The following ELK3 variants were observed in gnomAD, a reference collection of about 807,000 sequenced individuals.
ELK3 encodes the protein ETS domain-containing protein Elk-3.
A neutral mutation model predicts 28.9 loss-of-function variants in ELK3; 10 were observed. The ratio of observed to expected loss-of-function variants is 0.35; its 90% confidence interval spans 0.21 to 0.59. ELK3 has a LOEUF of 0.59. Among genes scored for constraint, ELK3 ranks in the 20% least tolerant of loss-of-function variants. The pLI is 0.82. For missense variants in ELK3, 463 were observed against 517.3 expected (o/e 0.90, Z 1.02); for synonymous variants, 272 against 243.5 (o/e 1.12, Z -1.09).
At chr12:96,197,455 A>T (rs1951479224) in intron 1 of ELK3, among the ~76,000 whole-genome samples, 1 of 152,244 alleles carries the variant, frequency 6.6e-6, no homozygotes, top group African/African-American at 2.4e-5. Flanking sequence ...TTTAACACGC[A>T]TTCAGTCAAC....
Position 96,206,609 on chromosome 12 carries a change from A to G in ELK3, c.-3+11904A>G, listed in dbSNP as rs563759126. Among the ~76,000 whole-genome samples, 11 of 152,174 alleles carry G rather than the reference A, an allele frequency of 7.2e-5. No individual in the cohort carries two copies. The East Asian group carries it at 1.9e-3, about 27-fold the overall frequency. Reference sequence around the variant, plus strand: ...GAGCCACGATTTTCTTTCACAAGGGAAAAAAAAGATCCTCTAAAGCAGGAT... The same window carrying G: ...GAGCCACGATTTTCTTTCACAAGGGGAAAAAAAGATCCTCTAAAGCAGGAT... On this transcript the variant is annotated intron_variant, in intron 1 of 4. Coordinates refer to ENST00000228741, the MANE Select transcript of ELK3 (RefSeq NM_005230.4).
intron 2 of ELK3, among the ~76,000 whole-genome samples, chr12:96,228,878 G>C (rs558799369): frequency 6.6e-6 from 1 of 152,206 alleles, no homozygotes; most frequent in Non-Finnish European, 1.5e-5. Context: ...TTCCTTGTCG[G>C]ACTGTGTGAG....
At chr12:96,227,607 G>T (rs10860008) in intron 2 of ELK3, among the ~76,000 whole-genome samples, 867 of 7,628 alleles carry the variant, frequency 0.11, 1 homozygote, top group Middle Eastern at 0.33. Flanking sequence ...GTGCCCATGC[G>T]GTCAGAAAGG....
At chr12:96,251,955 G>A (rs1161010428) in intron 3 of ELK3, among the ~76,000 whole-genome samples, 1 of 152,254 alleles carries the variant, frequency 6.6e-6, no homozygotes, top group Non-Finnish European at 1.5e-5. Flanking sequence ...CAGCTTCACT[G>A]TAGGTGAAAC....
At chr12:96,250,260 G>A (rs1951893118) in intron 3 of ELK3, among the ~76,000 whole-genome samples, 1 of 152,210 alleles carries the variant, frequency 6.6e-6, no homozygotes, top group South Asian at 2.1e-4. Context: ...CTCCTGGCAT[G>A]GCCATGGGTG....
intron 3 of ELK3, among the ~76,000 whole-genome samples, chr12:96,248,729 T>A (rs930417397): frequency 1.3e-5 from 2 of 152,150 alleles, no homozygotes; most frequent in African/African-American, 4.8e-5. Context: ...CTGTTGTCAT[T>A]AGCAGCAGCC....
intron 1 of ELK3, among the ~76,000 whole-genome samples, chr12:96,216,779 A>G (rs1032007683): frequency 2.0e-5 from 3 of 152,212 alleles, no homozygotes; most frequent in Admixed American, 6.5e-5. Flanking sequence ...TACTTTTATC[A>G]TATCAGTCCC....
At chr12:96,196,301 C>T (rs1341649513) in intron 1 of ELK3, among the ~76,000 whole-genome samples, 1 of 151,988 alleles carries the variant, frequency 6.6e-6, no homozygotes, top group Non-Finnish European at 1.5e-5. Context: ...GTCACTTTGG[C>T]CATTTTGGAT....
chr12:96,238,903 G>A (rs1951801247), intron 2 of ELK3, among the ~76,000 whole-genome samples: 1 of 152,162 alleles, frequency 6.6e-6, no homozygotes, highest in Non-Finnish European at 1.5e-5. Flanking sequence ...GGCCCTGTCG[G>A]ATTTACTTTA....
At chr12:96,243,957 G>C (rs1009090830) in intron 2 of ELK3, among the ~76,000 whole-genome samples, 8 of 139,816 alleles carry the variant, frequency 5.7e-5, no homozygotes, top group Non-Finnish European at 1.2e-4. Context: ...AGTGAGCCGA[G>C]ATCACGCCAC....
chr12:96,204,524 C>T (rs766132849), intron 1 of ELK3, among the ~76,000 whole-genome samples: 39 of 152,204 alleles, frequency 2.6e-4, no homozygotes, highest in Admixed American at 4.6e-4. Flanking sequence ...CTTGACTAAG[C>T]GGAATGTATG....
chr12:96,248,022 C>T (rs1951872759), intron 3 of ELK3, among the ~76,000 whole-genome samples: 1 of 152,158 alleles, frequency 6.6e-6, no homozygotes, highest in Non-Finnish European at 1.5e-5. Flanking sequence ...CAAAGCAGAT[C>T]TCACCAGCGA....
Position 96,267,114 on chromosome 12 carries a change from G to C in ELK3, c.1158G>C (p.Val386=), listed in dbSNP as rs752368172. Residue 386 remains valine, a synonymous_variant, in exon 5 of 5, where the codon GTG becomes GTC. Coordinates refer to ENST00000228741, the MANE Select transcript of ELK3 (RefSeq NM_005230.4). The stretch of plus-strand genomic sequence containing the variant: ...CACTGCTTAATGGCCACATGCCAGT[G>C]CCAATCCCCAGTCTGGACAGAGCTG... ...FPTLLNGHMP[V]PIPSLDRAAS... 1.2e-6 allele frequency: 2 copies of C among 1,613,576 alleles called. No homozygotes were observed. Among genetic ancestry groups the C allele is most frequent in the Admixed American group, 3.3e-5 (2 of 59,922 alleles).
At chr12:96,215,559 G>C (rs530660355) in intron 1 of ELK3, among the ~76,000 whole-genome samples, 3 of 152,070 alleles carry the variant, frequency 2.0e-5, no homozygotes, top group Non-Finnish European at 4.4e-5. Flanking sequence ...TCTTTTTGAG[G>C]CTCCGTCGGA....
At position 96,218,841 on chromosome 12, in the gene ELK3, G is replaced by C. The variant is rs1951640847; in HGVS notation, c.-2-4724G>C. The stretch of plus-strand genomic sequence containing the variant: ...TTTTTTGTATTTTTAGTAGAGACAG[G>C]GTTTCACTGTGTTAGCCGGGATGGT... On this transcript the variant is annotated intron_variant, in intron 1 of 4. Coordinates refer to ENST00000228741, the MANE Select transcript of ELK3 (RefSeq NM_005230.4). Among the ~76,000 whole-genome samples, 3 of 152,100 alleles carry C rather than the reference G, an allele frequency of 2.0e-5. No individual in the cohort carries two copies. In the South Asian group the frequency reaches 6.3e-4, roughly 32 times the overall value.
intron 1 of ELK3, among the ~76,000 whole-genome samples, chr12:96,219,950 C>T (rs1435274283): frequency 6.6e-6 from 1 of 152,144 alleles, no homozygotes; most frequent in Non-Finnish European, 1.5e-5. Flanking sequence ...GCTGGGCATG[C>T]CTCAGACAGG....
intron 4 of ELK3, among the ~76,000 whole-genome samples, chr12:96,263,453 G>C (rs1457945980): frequency 6.6e-6 from 1 of 152,154 alleles, no homozygotes; most frequent in Non-Finnish European, 1.5e-5. Flanking sequence ...AGTAGGAATA[G>C]GTATGTCTTG....
intron 4 of ELK3, among the ~76,000 whole-genome samples, chr12:96,265,154 G>T (rs546661366): frequency 1.3e-5 from 2 of 152,282 alleles, no homozygotes; most frequent in South Asian, 4.1e-4. Context: ...ACAAAAGTTT[G>T]GGAAACGTTG....
At chr12:96,253,483 C>G (rs1357985419) in intron 3 of ELK3, among the ~76,000 whole-genome samples, 2 of 152,216 alleles carry the variant, frequency 1.3e-5, no homozygotes, top group Admixed American at 6.5e-5. Flanking sequence ...CTACAGACTT[C>G]TGTGGGATTA....
Sources: gnomAD v4.1 joint callset for allele counts (sites outside exome capture counted in the v4.1 genomes callset) on GRCh38, gnomAD v4.1.1 for gene constraint, MANE v1.5 for transcripts, NCBI Gene and HGNC (gene_info 2026-07-23, HGNC 2026-07-21) for gene names.